Variants in NUP98 observed in about 807,000 individuals in gnomAD.
NUP98 encodes the protein nucleoporin 98 and 96 precursor.
NUP98 carries 26 observed loss-of-function variants against 191.9 expected under a neutral mutation model. The observed-to-expected ratio is 0.14, with a 90% CI of 0.10 to 0.19. The LOEUF is 0.19. NUP98 is among the 10% of genes least tolerant of loss of function. The probability of loss-of-function intolerance (pLI) is 1.00; values close to 1 mark genes in which losing one functional copy is unlikely to be tolerated. For missense variants in NUP98, 1,941 were observed against 2,178.8 expected, an observed-to-expected ratio of 0.89 and a Z score of 2.17; for synonymous variants, 808 against 778.4, an observed-to-expected ratio of 1.04 and a Z score of -0.63.
At chr11:3,713,564 T>A (rs954696524) in intron 19 of NUP98, among the ~76,000 whole-genome samples, 3 of 152,060 alleles carry the variant, frequency 2.0e-5, no homozygotes, top group African/African-American at 7.2e-5. Flanking sequence ...ACAAACATTT[T>A]AAAAAGTAGC....
chr11:3,797,220 G>A (rs1181608526), intron 1 of NUP98, among the ~76,000 whole-genome samples, 180 bp downstream of exon 1: 1 of 152,238 alleles, frequency 6.6e-6, no homozygotes, highest in Non-Finnish European at 1.5e-5. Flanking sequence ...TCCAAAGCCG[G>A]GCCTCCCGGG....
rs147201630 is a variant in NUP98, at chr11:3,770,486, C to CAAGAAAAGAA, written c.784+1252_784+1261dup. ...GGAGTAAGACCCTAAAACCCTGTCT[C>CAAGAAAAGAA]AAGAAAAGAAAAGAAAAGAAAAGAA... On this transcript the variant is annotated intron_variant, in intron 7 of 32. Coordinates refer to ENST00000324932, the MANE Select transcript of NUP98 (RefSeq NM_016320.5). 7.3e-5 allele frequency among the ~76,000 whole-genome samples: 11 copies of CAAGAAAAGAA among 150,354 alleles called. No individual in the cohort carries two copies. The South Asian group carries it at 1.9e-3, about 26-fold the overall frequency.
At chr11:3,684,965 A>T (rs1234897739) in intron 29 of NUP98, among the ~76,000 whole-genome samples, 5 of 152,252 alleles carry the variant, frequency 3.3e-5, no homozygotes, top group Non-Finnish European at 5.9e-5. Context: ...CTCTGGACGA[A>T]AGTTGGAAAC....
intron 29 of NUP98, among the ~76,000 whole-genome samples, 187 bp downstream of exon 29, chr11:3,685,786 A>G (rs2078116897): frequency 6.6e-6 from 1 of 152,194 alleles, no homozygotes; most frequent in African/African-American, 2.4e-5. Context: ...TCTCAGTTTT[A>G]ACTGGTTTAC....
intron 28 of NUP98, among the ~76,000 whole-genome samples, chr11:3,689,253 G>A (rs919346656): frequency 2.0e-5 from 3 of 152,080 alleles, no homozygotes; most frequent in African/African-American, 7.2e-5. Context: ...AAGGCTAGGT[G>A]CAGTGGCTCG....
At position 3,719,509 on chromosome 11, in the gene NUP98, T is replaced by A. The variant is rs1453808015; in HGVS notation, c.2302A>T (p.Asn768Tyr). The change falls in exon 18 of 33, where the codon AAT becomes TAT. Residue 768 changes from asparagine to tyrosine, a missense_variant. Asn to Tyr is a moderately radical substitution (Grantham distance 143). This residue lies in a region of NUP98 where 453 missense variants were observed against 438.2 expected (regional missense o/e 1.03). Coordinates refer to ENST00000324932, the MANE Select transcript of NUP98 (RefSeq NM_016320.5). ...TGCACAATATCATCCAAATTTAGAT[T>A]TGTCAAATTCACATCTCCTTCAAAA... ...IYFEGDVNLTNLNLDDIVHIR... is the reference protein window; with the variant it reads ...IYFEGDVNLTYLNLDDIVHIR... The A allele has an allele frequency of 6.3e-7, 1 of 1,591,648 alleles. No individual in the cohort carries two copies. The highest frequency in any genetic ancestry group is 2.3e-5 in the East Asian group (1 of 43,490).
chr11:3,744,851 T>A (rs2080432118), intron 11 of NUP98, among the ~76,000 whole-genome samples: 1 of 152,204 alleles, frequency 6.6e-6, no homozygotes, highest in African/African-American at 2.4e-5. Flanking sequence ...AATACTTAAA[T>A]CTCTCTGTGC....
intron 12 of NUP98, among the ~76,000 whole-genome samples, chr11:3,744,046 G>C (rs896020977): frequency 1.3e-5 from 2 of 152,078 alleles, no homozygotes; most frequent in Admixed American, 6.6e-5. Context: ...GCAACAGCGC[G>C]AGACTCCTTT....
chr11:3,719,754 T>TTTTC (rs2079322142), intron 17 of NUP98, among the ~76,000 whole-genome samples: 1 of 148,642 alleles, frequency 6.7e-6, no homozygotes, highest in Non-Finnish European at 1.5e-5. Context: ...AAATCTGCAT[T>TTTTC]TTTCTTTTCT....
At position 3,785,532 on chromosome 11, in the gene NUP98, G is replaced by A. The variant is rs560331163; in HGVS notation, c.-28-3387C>T. ...CCAGCACTTTGGGAGGCCAAGGTGG[G>A]CAGATCACTTGAGGCCAAGAGTTTG... On this transcript the variant is annotated intron_variant, in intron 1 of 32. Coordinates refer to ENST00000324932, the MANE Select transcript of NUP98 (RefSeq NM_016320.5). Among the ~76,000 whole-genome samples, 4 of 152,274 alleles carry A rather than the reference G, an allele frequency of 2.6e-5. No homozygotes were observed. In the East Asian group the frequency reaches 7.7e-4, roughly 29 times the overall value.
rs553107586 is a variant in NUP98 at position 3,784,263 on chromosome 11, A to C, written c.-28-2118T>G. Among the ~76,000 whole-genome samples the C allele has an allele frequency of 2.0e-5, 3 of 152,364 alleles. No homozygotes were observed. In the South Asian group the frequency reaches 6.2e-4, roughly 32 times the overall value. On this transcript the variant is annotated intron_variant, in intron 1 of 32. Coordinates refer to ENST00000324932, the MANE Select transcript of NUP98 (RefSeq NM_016320.5). ...CAAACATTTTGTGCAACACTGAAAA[A>C]GATAAGGCTGTCCCTTAAATAAATG...
intron 1 of NUP98, among the ~76,000 whole-genome samples, chr11:3,793,006 G>A (rs189426684): frequency 6.6e-5 from 10 of 152,256 alleles, no homozygotes; most frequent in Middle Eastern, 3.4e-3. Flanking sequence ...AGCAACTCAG[G>A]AGGCTGAGGC....
At chr11:3,779,989 A>G (rs2081900512) in intron 2 of NUP98, among the ~76,000 whole-genome samples, 1 of 151,956 alleles carries the variant, frequency 6.6e-6, no homozygotes, top group African/African-American at 2.4e-5. Flanking sequence ...AATTAGTGAC[A>G]CTCCGTAGTC....
At position 3,793,065 on chromosome 11, in the gene NUP98, A is replaced by C. The variant is rs547792476; in HGVS notation, c.-29+4335T>G. Among the ~76,000 whole-genome samples, 15 of 152,228 alleles carry C rather than the reference A, an allele frequency of 9.9e-5. 1 individual carries two copies. In the East Asian group the frequency reaches 2.7e-3, roughly 27 times the overall value. On this transcript the variant is annotated intron_variant, in intron 1 of 32. Coordinates refer to ENST00000324932, the MANE Select transcript of NUP98 (RefSeq NM_016320.5). ...GGCGGAGGTTGGAGTACGCTGAGAT[A>C]GCGCCACTGCACTCCGACTTGGGCG... is the stretch of plus-strand genomic sequence containing the variant.
rs575488017 is a variant in NUP98 at position 3,729,178 on chromosome 11, A to G, written c.1730+2213T>C. Among the ~76,000 whole-genome samples the G allele has an allele frequency of 2.0e-5, 3 of 152,296 alleles. No homozygotes were observed. The East Asian group carries it at 5.8e-4, about 29-fold the overall frequency. ...TCATCAGACTACAGATGATATTTAA[A>G]GCCATGAGAATAAATTGAAGCACTT... On this transcript the variant is annotated intron_variant, in intron 14 of 32. Transcript: ENST00000324932.
At chr11:3,789,071 TATTC>T (rs901489786) in intron 1 of NUP98, among the ~76,000 whole-genome samples, 1 of 152,196 alleles carries the variant, frequency 6.6e-6, no homozygotes, top group Non-Finnish European at 1.5e-5. Flanking sequence ...TAAGTCATAA[TATTC>T]AATCTCTCAG....
intron 16 of NUP98, 126 bp downstream of exon 16, chr11:3,723,031 T>A (rs958286797): frequency 2.6e-5 from 21 of 810,264 alleles, no homozygotes; most frequent in African/African-American, 2.1e-4. Flanking sequence ...AGCTCTCCTA[T>A]GTGGGATCAC....
Position 3,691,441 on chromosome 11 carries a change from G to T in NUP98, c.4360C>A (p.Leu1454Met). The T allele has an allele frequency of 6.2e-7, 1 of 1,614,150 alleles. No individual in the cohort carries two copies. Among genetic ancestry groups the T allele is most frequent in the South Asian group, 1.1e-5 (1 of 91,086 alleles). Reference sequence around the variant, plus strand: ...GCTATCACACAGCCAGAACCCTCCAGATACGAAGGAAGTGGGGAGCAGGCA... The same window carrying T: ...GCTATCACACAGCCAGAACCCTCCATATACGAAGGAAGTGGGGAGCAGGCA... ...RYACSPLPSY[L>M]EGSGCVIAEE... Residue 1454 changes from leucine (L) to methionine (M), a missense_variant, in exon 28 of 33, where the codon CTG (leucine) becomes ATG (methionine). Physicochemically the swap from Leu to Met is conservative, Grantham distance 15. This residue lies in a region of NUP98 where 1,030 missense variants were observed against 1,115.8 expected (regional missense o/e 0.92). Transcript: ENST00000324932.
At chr11:3,731,045 A>C (rs2134279405) in intron 14 of NUP98, among the ~76,000 whole-genome samples, 1 of 152,304 alleles carries the variant, frequency 6.6e-6, no homozygotes, top group Non-Finnish European at 1.5e-5. Context: ...GCGGCAGATC[A>C]TATGCAGTCA....
Sources: gnomAD v4.1 joint callset for allele counts (sites outside exome capture counted in the v4.1 genomes callset) on GRCh38, gnomAD v4.1.1 for gene constraint, gnomAD v4.1.1 regional missense constraint, MANE v1.5 for transcripts, NCBI Gene and HGNC (gene_info 2026-07-23, HGNC 2026-07-21) for gene names.